The following CBR4 variants were observed in gnomAD, a reference collection of about 807,000 sequenced individuals.
CBR4 encodes the protein 3-oxoacyl-[acyl-carrier-protein] reductase.
CBR4 carries 22 observed loss-of-function variants against 21.0 expected under a neutral mutation model. The ratio of observed to expected loss-of-function variants is 1.05; its 90% CI spans 0.75 to 1.50. CBR4 has a LOEUF of 1.50. Ranked by LOEUF, CBR4 falls within the 40% of genes most tolerant of loss-of-function variation. The pLI, the probability that CBR4 is intolerant of heterozygous loss-of-function variation, is 0.00. For missense variants in CBR4, 302 were observed against 286.3 expected (o/e 1.05, Z -0.40); for synonymous variants, 100 against 104.4 (o/e 0.96, Z 0.26).
chr4:168,926,466 G>A, intron 2 of CBR4: 9 of 968,686 alleles, frequency 9.3e-6, no homozygotes, highest in Middle Eastern at 2.1e-4. Context: ...TATGTAAAAG[G>A]CAGAAACATA....
Position 168,989,143 on chromosome 4 carries a change from C to T in CBR4, c.*1007G>A. ...TATTTATTTATTTTTTATGCTTATT[C>T]ATACAGAATTTATTACTTTCTAGAA... is the stretch of plus-strand genomic sequence containing the variant. On this transcript the variant is annotated 3_prime_UTR_variant, in exon 5 of 5. Transcript: ENST00000306193. 1 of 967,896 alleles carries T rather than the reference C, an allele frequency of 1.0e-6. No individual in the cohort carries two copies. Among genetic ancestry groups the T allele is most frequent in the Non-Finnish European group, 1.2e-6 (1 of 813,990 alleles). 60.0% of individuals were successfully genotyped at this position (967,896 alleles called of 1,614,324 possible). A position where few individuals can be genotyped will look rare whatever the true frequency, so the allele number is the denominator to read the frequency against.
At chr4:168,897,209 C>G (rs536137065) in intron 2 of CBR4, among the ~76,000 whole-genome samples, 2 of 152,066 alleles carry the variant, frequency 1.3e-5, no homozygotes, top group Admixed American at 1.3e-4. Flanking sequence ...TTATATATAC[C>G]TTTCTATGGG....
Position 168,987,613 on chromosome 4 carries a change from T to C in CBR4, c.*2537A>G, listed in dbSNP as rs1484774982. Reference sequence around the variant, plus strand: ...AGTTTAAAATCATTAAATACTTTATTTAAGAACAGTTTGTTTACCAAGTTA... The same window carrying C: ...AGTTTAAAATCATTAAATACTTTATCTAAGAACAGTTTGTTTACCAAGTTA... On this transcript the variant is annotated 3_prime_UTR_variant, in exon 5 of 5. Transcript: ENST00000306193. 2.2e-6 allele frequency: 2 copies of C among 923,298 alleles called. No individual in the cohort carries two copies. Among genetic ancestry groups the C allele is most frequent in the Non-Finnish European group, 2.6e-6 (2 of 773,618 alleles). 57.2% of individuals were successfully genotyped at this position (923,298 alleles called of 1,614,324 possible).
intron 2 of CBR4, among the ~76,000 whole-genome samples, chr4:168,919,222 A>G (rs1244270140): frequency 6.6e-6 from 1 of 152,136 alleles, no homozygotes; most frequent in African/African-American, 2.4e-5. Flanking sequence ...TCTGACCTGG[A>G]TAAAGAAAAT....
At chr4:168,978,648 A>G (rs1162780136) in intron 2 of CBR4, among the ~76,000 whole-genome samples, 1 of 152,192 alleles carries the variant, frequency 6.6e-6, no homozygotes, top group Non-Finnish European at 1.5e-5. Flanking sequence ...GCTGACACAG[A>G]AAGCGTGTGG....
intron 2 of CBR4, among the ~76,000 whole-genome samples, chr4:168,930,440 G>A (rs890326402): frequency 1.3e-5 from 2 of 152,164 alleles, no homozygotes; most frequent in African/African-American, 2.4e-5. Context: ...ACTATTCAGA[G>A]TTAAAGGTAA....
rs115771853 is a variant in CBR4, at chr4:168,989,311, G to C, written c.*839C>G. 4,195 of 985,100 alleles carry C rather than the reference G, an allele frequency of 4.3e-3. 28 individuals carry two copies. The highest frequency in any genetic ancestry group is 0.017 in the African/African-American group (950 of 57,278). The allele number at this position is 985,100 out of a possible 1,614,324, so 61.0% of individuals were successfully genotyped here. ...CATCCTAAGTTCATGAAATCTGTGCGGTTCACTACTGTACCAGGTATTAAA... is the reference window on the plus strand; with the variant it reads ...CATCCTAAGTTCATGAAATCTGTGCCGTTCACTACTGTACCAGGTATTAAA... On this transcript the variant is annotated 3_prime_UTR_variant, in exon 5 of 5. Coordinates refer to ENST00000306193, the MANE Select transcript of CBR4 (RefSeq NM_032783.5).
In CBR4 at chr4:168,988,216, T is replaced by C; in HGVS notation, c.*1934A>G. On this transcript the variant is annotated 3_prime_UTR_variant, in exon 5 of 5. Transcript: ENST00000306193. The stretch of plus-strand genomic sequence containing the variant: ...TTCACCTGGAGTGGAGCAGTGAAGG[T>C]TTATTTTACCTCTTTCAAGATCTCT... 2 of 985,386 alleles carry C rather than the reference T, an allele frequency of 2.0e-6. No homozygotes were observed. Among genetic ancestry groups the C allele is most frequent in the Non-Finnish European group, 2.4e-6 (2 of 829,916 alleles). The allele number at this position is 985,386 out of a possible 1,614,324, so 61.0% of individuals were successfully genotyped here. A position where few individuals can be genotyped will look rare whatever the true frequency, so the allele number is the denominator to read the frequency against.
chr4:168,977,167 G>A (rs758776767), intron 2 of CBR4, among the ~76,000 whole-genome samples: 5 of 152,146 alleles, frequency 3.3e-5, no homozygotes, highest in African/African-American at 4.8e-5. Context: ...CCATCTAAGC[G>A]GGAGCTGCAC....
intron 2 of CBR4, among the ~76,000 whole-genome samples, chr4:168,940,276 T>C (rs945651476): frequency 1.3e-5 from 2 of 152,068 alleles, no homozygotes; most frequent in African/African-American, 2.4e-5. Context: ...TTACACCTTA[T>C]ACAAAAATTA....
At position 168,988,106 on chromosome 4, in the gene CBR4, A is replaced by G. The variant is rs1318363061; in HGVS notation, c.*2044T>C. Reference sequence around the variant, plus strand: ...CACTGAGGTTCTTAAACCTCTGAACATAAGGCAACAGTTCACAACTGATTT... The same window carrying G: ...CACTGAGGTTCTTAAACCTCTGAACGTAAGGCAACAGTTCACAACTGATTT... On this transcript the variant is annotated 3_prime_UTR_variant, in exon 5 of 5. Coordinates refer to ENST00000306193, the MANE Select transcript of CBR4 (RefSeq NM_032783.5). 38 of 985,304 alleles carry G rather than the reference A, an allele frequency of 3.9e-5. No homozygotes were observed. Among genetic ancestry groups the G allele is most frequent in the Non-Finnish European group, 4.5e-5 (37 of 829,896 alleles). The allele number at this position is 985,304 out of a possible 1,614,324, so 61.0% of individuals were successfully genotyped here. A position where few individuals can be genotyped will look rare whatever the true frequency, so the allele number is the denominator to read the frequency against.
intron 2 of CBR4, chr4:168,914,058 TTTTA>T: frequency 2.5e-6 from 3 of 1,177,096 alleles, no homozygotes; most frequent in East Asian, 2.3e-5. Flanking sequence ...TGTTACATTA[TTTTA>T]TTTATTACTA....
At chr4:168,926,635 T>TAAAG (rs1762614930) in intron 2 of CBR4, 2 of 397,180 alleles carry the variant, frequency 5.0e-6, no homozygotes, top group Admixed American at 4.1e-5. Flanking sequence ...TTGCTGTGAT[T>TAAAG]AAAGTGATCA....
chr4:168,986,091 C>T (rs1039574759), downstream of CBR4, among the ~76,000 whole-genome samples: 13 of 149,556 alleles, frequency 8.7e-5, no homozygotes, highest in African/African-American at 1.2e-4. Flanking sequence ...AGAAAATATC[C>T]GGGGGGGGAA....
chr4:169,000,187 C>T (rs952708909), intron 4 of CBR4, among the ~76,000 whole-genome samples: 8 of 152,118 alleles, frequency 5.3e-5, no homozygotes, highest in Admixed American at 3.3e-4. Flanking sequence ...TCTAGGCTAA[C>T]GCTAAAAATC....
At chr4:168,956,334 A>G (rs1485917139) in intron 2 of CBR4, among the ~76,000 whole-genome samples, 1 of 152,030 alleles carries the variant, frequency 6.6e-6, no homozygotes, top group African/African-American at 2.4e-5. Flanking sequence ...GGCTGGGTGC[A>G]GTGGCTCACA....
At chr4:168,991,691 C>G (rs796450376) in intron 4 of CBR4, among the ~76,000 whole-genome samples, 1 of 152,096 alleles carries the variant, frequency 6.6e-6, no homozygotes, top group African/African-American at 2.4e-5. Flanking sequence ...AAGATTAATA[C>G]AGGACATACA....
chr4:168,917,769 TA>T (rs1316329143), intron 2 of CBR4, among the ~76,000 whole-genome samples: 2 of 152,212 alleles, frequency 1.3e-5, no homozygotes, highest in Non-Finnish European at 2.9e-5. Context: ...ACAGTATAAA[TA>T]CACAAATTGT....
At chr4:169,004,292 C>T (rs1730712773) in intron 3 of CBR4, among the ~76,000 whole-genome samples, 1 of 152,068 alleles carries the variant, frequency 6.6e-6, no homozygotes, top group Non-Finnish European at 1.5e-5. Context: ...AGATATAATG[C>T]TACTGCATAC....
Sources: gnomAD v4.1 joint callset for allele counts (sites outside exome capture counted in the v4.1 genomes callset) on GRCh38, gnomAD v4.1.1 for gene constraint, MANE v1.5 for transcripts, NCBI Gene and HGNC (gene_info 2026-07-23, HGNC 2026-07-21) for gene names.